SP3: variants seen among roughly 807,000 people sequenced by gnomAD.
SP3 encodes the protein Sp3 transcription factor.
In SP3, 10 loss-of-function variants were observed where a neutral mutation model predicts 70.3. The observed-to-expected ratio is 0.14, with a 90% CI of 0.09 to 0.24. The LOEUF (loss-of-function observed/expected upper bound fraction) is 0.24, where lower values mean the gene tolerates loss of function less well. Ranked by LOEUF, SP3 falls within the 10% of genes least tolerant of loss-of-function variation. The pLI is 1.00. For missense variants in SP3, 825 were observed against 914.6 expected, an observed-to-expected ratio of 0.90 and a Z score of 1.26; for synonymous variants, 402 against 333.5, an observed-to-expected ratio of 1.21 and a Z score of -2.24.
rs1342433520 is a variant in SP3 at position 173,906,664 on chromosome 2, T to G, written c.*3277A>C. The G allele has an allele frequency of 6.6e-6, 1 of 152,188 alleles. No homozygotes were observed. The highest frequency in any genetic ancestry group is 2.4e-5 in the African/African-American group (1 of 41,444). The allele number at this position is 152,188 out of a possible 1,614,324, so 9.4% of individuals were successfully genotyped here. A position where few individuals can be genotyped will look rare whatever the true frequency, so the allele number is the denominator to read the frequency against. ...AAACAATATTGAACACAATACAAAT[T>G]TTTCATAAAACAAAACTTTTGGGTC... On this transcript the variant is annotated 3_prime_UTR_variant, in exon 7 of 7. Transcript: ENST00000310015.
intron 3 of SP3, among the ~76,000 whole-genome samples, chr2:173,957,511 C>T (rs1455773142): frequency 6.6e-6 from 1 of 152,036 alleles, no homozygotes; most frequent in African/African-American, 2.4e-5. Context: ...CAAAAAGAAA[C>T]CCTAAATAAT....
intron 3 of SP3, among the ~76,000 whole-genome samples, chr2:173,957,450 G>A (rs1690932573): frequency 1.3e-5 from 2 of 152,192 alleles, no homozygotes; most frequent in South Asian, 2.1e-4. Flanking sequence ...AGATTTTCCT[G>A]TAGTCAGTTA....
chr2:173,926,914 T>C (rs1245017222), intron 4 of SP3, among the ~76,000 whole-genome samples: 1 of 152,122 alleles, frequency 6.6e-6, no homozygotes, highest in Non-Finnish European at 1.5e-5. Context: ...GACTAAGTAA[T>C]TTATTTTTTT....
intron 4 of SP3, among the ~76,000 whole-genome samples, chr2:173,949,657 AAAT>A (rs1375336610): frequency 2.0e-5 from 3 of 152,176 alleles, no homozygotes; most frequent in African/African-American, 7.2e-5. Flanking sequence ...TTAAATACTT[AAAT>A]ATTAAGTTAA....
chr2:173,919,269 G>C (rs1173835573), intron 4 of SP3, among the ~76,000 whole-genome samples: 1 of 152,124 alleles, frequency 6.6e-6, no homozygotes. Flanking sequence ...TGCCCAAAAA[G>C]TGTTATACCC....
rs1322090871 is a variant in SP3 at position 173,907,040 on chromosome 2, T to G, written c.*2901A>C. The G allele has an allele frequency of 2.0e-5, 3 of 152,210 alleles. No individual in the cohort carries two copies. The highest frequency in any genetic ancestry group is 4.4e-5 in the Non-Finnish European group (3 of 68,034). The allele number at this position is 152,210 out of a possible 1,614,324, so 9.4% of individuals were successfully genotyped here. On this transcript the variant is annotated 3_prime_UTR_variant, in exon 7 of 7. Transcript: ENST00000310015. Reference sequence around the variant, plus strand: ...AAGTTATTTACAGGGCATCTGACTTTCTGCGGTAGGTGTAGCTCCTTTAAA... The same window carrying G: ...AAGTTATTTACAGGGCATCTGACTTGCTGCGGTAGGTGTAGCTCCTTTAAA...
intron 4 of SP3, among the ~76,000 whole-genome samples, chr2:173,953,370 T>C (rs1460720787): frequency 3.9e-5 from 6 of 152,140 alleles, no homozygotes; most frequent in Admixed American, 3.9e-4. Flanking sequence ...GGTCCACAGA[T>C]CACATTTTAA....
At chr2:173,936,915 T>C (rs964543796) in intron 4 of SP3, among the ~76,000 whole-genome samples, 1 of 152,180 alleles carries the variant, frequency 6.6e-6, no homozygotes, top group Non-Finnish European at 1.5e-5. Flanking sequence ...GGAGCCTTTT[T>C]TGATTTTCTG....
Position 173,944,262 on chromosome 2 carries a change from G to A in SP3, c.1639+10611C>T, listed in dbSNP as rs117961151. 6.5e-3 allele frequency among the ~76,000 whole-genome samples: 984 copies of A among 152,310 alleles called. 17 individuals carry two copies. The highest frequency in any genetic ancestry group is 0.038 in the East Asian group (195 of 5,184). ...TAAAATAAAGCTGAAGGCCAGGCAT[G>A]GTGGCTCATGCCTATAATCCCAACA... On this transcript the variant is annotated intron_variant, in intron 4 of 6. Transcript: ENST00000310015.
chr2:173,963,923 AG>A, intron 2 of SP3, 40 bp from the exon 3 acceptor site: 5 of 1,306,032 alleles, frequency 3.8e-6, no homozygotes, highest in Non-Finnish European at 5.1e-6. Context: ...AGACAGGGGG[AG>A]GGGGTGGCGG....
chr2:173,956,378 T>C, intron 3 of SP3, 146 bp from the exon 4 acceptor site: 5 of 757,866 alleles, frequency 6.6e-6, no homozygotes, highest in Non-Finnish European at 8.1e-6. Flanking sequence ...AGCAGTACTA[T>C]ATGAACTACA....
chr2:173,936,499 C>T (rs1242126876), intron 4 of SP3, among the ~76,000 whole-genome samples: 1 of 152,196 alleles, frequency 6.6e-6, no homozygotes, highest in Non-Finnish European at 1.5e-5. Flanking sequence ...ATTCTCTCAC[C>T]ATACTTATTC....
rs777107442 is a variant in SP3, at chr2:173,964,395, C to T, written c.156+10G>A. 4 of 707,560 alleles carry T rather than the reference C, an allele frequency of 5.7e-6. No homozygotes were observed. Among genetic ancestry groups the T allele is most frequent in the African/African-American group, 5.5e-5 (3 of 54,184 alleles). The allele number at this position is 707,560 out of a possible 1,614,324, so 43.8% of individuals were successfully genotyped here. A position where few individuals can be genotyped will look rare whatever the true frequency, so the allele number is the denominator to read the frequency against. On this transcript the variant is annotated intron_variant, in intron 2 of 6. Coordinates refer to ENST00000310015, the MANE Select transcript of SP3 (RefSeq NM_003111.5). ...GGGGGGAGCCGGGCCGGGGTTCAGC[C>T]GCTCCTCACCTGGGCCGCCGCTGCC...
chr2:173,955,076 A>G lies in SP3; in HGVS notation c.1436T>C (p.Ile479Thr), dbSNP rs564462652. The G allele has an allele frequency of 6.2e-7, 1 of 1,614,174 alleles. No individual in the cohort carries two copies. The change falls in exon 4 of 7, where the codon ATA (isoleucine) becomes ACA (threonine). Residue 479 changes from isoleucine (I) to threonine (T), a missense_variant. This residue lies in a region of SP3 where 678 missense variants were observed against 651.6 expected (regional missense o/e 1.04). Transcript: ENST00000310015. Reference sequence around the variant, plus strand: ...TATTTGTTGGGCAGCAGTATTCTGTATTTGCAAATTCTGCAAGTTCTGGAC... The same window carrying G: ...TATTTGTTGGGCAGCAGTATTCTGTGTTTGCAAATTCTGCAAGTTCTGGAC... ...QGVQNLQNLQ[I>T]QNTAAQQITL...
intron 3 of SP3, among the ~76,000 whole-genome samples, chr2:173,956,510 C>CTAGA (rs1253089826): frequency 6.6e-6 from 1 of 152,166 alleles, no homozygotes; most frequent in East Asian, 1.9e-4. Context: ...CATCTATGAT[C>CTAGA]TCTAACACTA....
rs1418783565 is a variant in SP3, at chr2:173,908,936, A to G, written c.*1005T>C. 1 of 152,314 alleles carries G rather than the reference A, an allele frequency of 6.6e-6. No homozygotes were observed. The highest frequency in any genetic ancestry group is 1.5e-5 in the Non-Finnish European group (1 of 67,876). The allele number at this position is 152,314 out of a possible 1,614,324, so 9.4% of individuals were successfully genotyped here. The stretch of plus-strand genomic sequence containing the variant: ...AAAAAAAAAAAAGACTTAAAAAAAT[A>G]TCATAAAACCTCTAGTTCTTCTATG... On this transcript the variant is annotated 3_prime_UTR_variant, in exon 7 of 7. Coordinates refer to ENST00000310015, the MANE Select transcript of SP3 (RefSeq NM_003111.5).
chr2:173,922,681 C>T (rs1430324457), intron 4 of SP3, among the ~76,000 whole-genome samples: 1 of 152,062 alleles, frequency 6.6e-6, no homozygotes, highest in South Asian at 2.1e-4. Flanking sequence ...GAAATCATTT[C>T]GGGAAGAACT....
At position 173,955,329 on chromosome 2, in the gene SP3, C is replaced by T; in HGVS notation, c.1183G>A (p.Val395Ile). ...GACTCTTGAAGTTGTAGATGCTGTA[C>T]AACAGGCTGTGCTGTAGAAACCTGA... is the stretch of plus-strand genomic sequence containing the variant. Reference protein sequence around the residue: ...NIQVSTAQPVVQHLQLQESQQ... With the variant: ...NIQVSTAQPVIQHLQLQESQQ... The change falls in exon 4 of 7, where the codon GTA becomes ATA. Residue 395 changes from valine (V) to isoleucine (I), a missense_variant. Val to Ile is a conservative substitution (Grantham distance 29). This residue lies in a region of SP3 where 678 missense variants were observed against 651.6 expected (regional missense o/e 1.04). Transcript: ENST00000310015. 2 of 1,614,026 alleles carry T rather than the reference C, an allele frequency of 1.2e-6. No individual in the cohort carries two copies. The highest frequency in any genetic ancestry group is 2.2e-5 in the East Asian group (1 of 44,880).
rs1292032257 is a variant in SP3, at chr2:173,955,556, T to C, written c.956A>G (p.Asp319Gly). The change falls in exon 4 of 7, where the codon GAT becomes GGT. Residue 319 changes from aspartate (D) to glycine (G), a missense_variant. By Grantham distance (94) the Asp-to-Gly change is moderately conservative (BLOSUM62 -1). Transcript: ENST00000310015. The part of the protein sequence containing the change: ...SERTGERVSP[D>G]INETNTDTDL... ...TGTATCAGTATTAGTTTCATTAATA[T>C]CAGGAGAAACCCGCTCACCAGTCCT... 2 of 1,614,066 alleles carry C rather than the reference T, an allele frequency of 1.2e-6. No homozygotes were observed. Among genetic ancestry groups the C allele is most frequent in the Non-Finnish European group, 1.7e-6 (2 of 1,180,040 alleles).
Sources: allele counts gnomAD v4.1 joint callset (sites outside exome capture counted in the v4.1 genomes callset), GRCh38; gene constraint gnomAD v4.1.1; regional missense constraint gnomAD v4.1.1; transcripts MANE v1.5; gene names NCBI Gene and HGNC (gene_info 2026-07-23, HGNC 2026-07-21).